The following IPO13 variants were observed in gnomAD, a reference collection of about 807,000 sequenced individuals.
IPO13 encodes the protein importin 13, also known as importin-13.
In IPO13, 28 loss-of-function variants were observed where a neutral mutation model predicts 115.5. The observed-to-expected ratio is 0.24, with a 90% CI of 0.18 to 0.33. IPO13 has a LOEUF of 0.33. Among genes scored for constraint, IPO13 ranks in the 10% least tolerant of loss-of-function variants. IPO13 has a pLI of 1.00. For synonymous variants in IPO13, 414 were observed against 478.9 expected, an observed-to-expected ratio of 0.86 and a Z score of 1.77; for missense variants, 785 against 1,204.6, an observed-to-expected ratio of 0.65 and a Z score of 5.16.
chr1:43,949,786 G>A lies in IPO13; in HGVS notation c.454G>A (p.Ala152Thr). 6.2e-7 allele frequency: 1 copy of A among 1,614,168 alleles called. No homozygotes were observed. The highest frequency in any genetic ancestry group is 1.1e-5 in the South Asian group (1 of 91,076). Residue 152 changes from alanine to threonine, a missense_variant, in exon 2 of 20, where the codon GCT (alanine) becomes ACT (threonine). This residue lies in a region of IPO13 where 325 missense variants were observed against 449.8 expected (regional missense o/e 0.72). Transcript: ENST00000372343. Reference sequence around the variant, plus strand: ...GGCAGATATGGTACGACTCTTCCAGGCTGAGGACTCACCAGTGGATGGGCA... The same window carrying A: ...GGCAGATATGGTACGACTCTTCCAGACTGAGGACTCACCAGTGGATGGGCA... Reference protein sequence around the residue: ...AVADMVRLFQAEDSPVDGQGR... With the variant: ...AVADMVRLFQTEDSPVDGQGR...
At position 43,961,354 on chromosome 1, in the gene IPO13, T is replaced by C. The variant is rs2154302345; in HGVS notation, c.2344+92T>C. ...GCCAAAGCTGCCCACTCTGTTCTTC[T>C]CTGTCCCCTGAGTCACACGTGGGAC... is the stretch of plus-strand genomic sequence containing the variant. On this transcript the variant is annotated intron_variant, in intron 14 of 19. Transcript: ENST00000372343. The C allele has an allele frequency of 8.9e-6, 9 of 1,011,584 alleles. No individual in the cohort carries two copies. The East Asian group carries it at 2.1e-4, about 24-fold the overall frequency. The allele number at this position is 1,011,584 out of a possible 1,614,324, so 62.7% of individuals were successfully genotyped here.
rs775284780 is a variant in IPO13 at position 43,956,893 on chromosome 1, G to A, written c.1188G>A (p.Val396=). The A allele has an allele frequency of 2.5e-6, 4 of 1,614,142 alleles. No individual in the cohort carries two copies. The highest frequency in any genetic ancestry group is 1.1e-5 in the South Asian group (1 of 91,094). Residue 396 remains valine (V), a synonymous_variant, in exon 5 of 20, where the codon GTG becomes GTA. Transcript: ENST00000372343. The surrounding 1 kb of genome is among the most constrained non-coding windows in gnomAD (Gnocchi z 4.7). ...YRPVYFQLVD[V]LLHKAQFPSD... ...CAGTCTACTTCCAGCTGGTGGATGT[G>A]CTTCTGCACAAGGCCCAGTTCCCTT...
intron 14 of IPO13, among the ~76,000 whole-genome samples, chr1:43,962,158 G>T (rs1192166373): frequency 6.6e-6 from 1 of 152,094 alleles, no homozygotes; most frequent in Non-Finnish European, 1.5e-5. Flanking sequence ...GTGGGCCATG[G>T]AGTAGGTCCA....
intron 12 of IPO13, 57 bp downstream of exon 12, chr1:43,960,386 G>T: frequency 6.8e-7 from 1 of 1,466,012 alleles, no homozygotes; most frequent in African/African-American, 1.4e-5. Flanking sequence ...GTGTAGCAGG[G>T]TAAGATGTTA....
chr1:43,967,653 C>T lies in IPO13; in HGVS notation c.2863C>T (p.His955Tyr). 1 of 1,614,236 alleles carries T rather than the reference C, an allele frequency of 6.2e-7. No homozygotes were observed. The change falls in exon 20 of 20, where the codon CAT becomes TAT. Residue 955 changes from histidine to tyrosine, a missense_variant. His to Tyr is a moderately conservative substitution (Grantham distance 83). Coordinates refer to ENST00000372343, the MANE Select transcript of IPO13 (RefSeq NM_014652.4). The surrounding 1 kb of genome is among the most constrained non-coding windows in gnomAD (Gnocchi z 6.1). Reference sequence around the variant, plus strand: ...GTTCACACTGCTGTGCCGGGGTCTCCATGGCACAGATTACACAGCTGACTA... The same window carrying T: ...GTTCACACTGCTGTGCCGGGGTCTCTATGGCACAGATTACACAGCTGACTA... The part of the protein sequence containing the change: ...KEFTLLCRGL[H>Y]GTDYTADY
At position 43,949,482 on chromosome 1, in the gene IPO13, G is replaced by A; in HGVS notation, c.150G>A (p.Met50Ile). 1 of 1,614,012 alleles carries A rather than the reference G, an allele frequency of 6.2e-7. No individual in the cohort carries two copies. Among genetic ancestry groups the A allele is most frequent in the Non-Finnish European group, 8.5e-7 (1 of 1,179,932 alleles). Residue 50 changes from methionine to isoleucine, a missense_variant, in exon 2 of 20, where the codon ATG becomes ATA. By Grantham distance (10) the Met-to-Ile change is conservative. Coordinates refer to ENST00000372343, the MANE Select transcript of IPO13 (RefSeq NM_014652.4). ...ENKNLAQKWLMQAQVSPQAWH... is the reference protein window; with the variant it reads ...ENKNLAQKWLIQAQVSPQAWH... Reference sequence around the variant, plus strand: ...AGAACCTGGCTCAGAAGTGGCTGATGCAGGCCCAGGTCTCCCCACAGGCCT... The same window carrying A: ...AGAACCTGGCTCAGAAGTGGCTGATACAGGCCCAGGTCTCCCCACAGGCCT...
At position 43,966,817 on chromosome 1, in the gene IPO13, C is replaced by T; in HGVS notation, c.2523+35C>T. 1 of 1,612,166 alleles carries T rather than the reference C, an allele frequency of 6.2e-7. No individual in the cohort carries two copies. Among genetic ancestry groups the T allele is most frequent in the Non-Finnish European group, 8.5e-7 (1 of 1,178,506 alleles). On this transcript the variant is annotated intron_variant, in intron 17 of 19. Transcript: ENST00000372343. This position sits in a 1 kb window ranked among gnomAD's most constrained non-coding sequence, Gnocchi z 4.1. ...ATGCTGAACCCTGACCCACTGCCAC[C>T]CCAGTGCCCTCCCCTGCCCAGGACT...
At chr1:43,955,431 G>T (rs1462887813) in intron 2 of IPO13, among the ~76,000 whole-genome samples, 1 of 152,162 alleles carries the variant, frequency 6.6e-6, no homozygotes, top group Non-Finnish European at 1.5e-5. Flanking sequence ...TCTCACAATT[G>T]TGAAGGATAG....
intron 11 of IPO13, among the ~76,000 whole-genome samples, chr1:43,959,886 G>A (rs1349815469): frequency 6.6e-6 from 1 of 152,204 alleles, no homozygotes; most frequent in Non-Finnish European, 1.5e-5. Flanking sequence ...ATTTGGAGGA[G>A]ATAGCATCTC....
rs781515000 is a variant in IPO13 at position 43,966,644 on chromosome 1, A to AAGTGGGGCGAGATGGAC, written c.2464+6_2464+22dup. The AAGTGGGGCGAGATGGAC allele has an allele frequency of 2.5e-6, 4 of 1,614,040 alleles. No individual in the cohort carries two copies. The highest frequency in any genetic ancestry group is 3.4e-6 in the Non-Finnish European group (4 of 1,179,994). On this transcript the variant is annotated splice_donor_region_variant and intron_variant, in intron 16 of 19. Coordinates refer to ENST00000372343, the MANE Select transcript of IPO13 (RefSeq NM_014652.4). The surrounding 1 kb of genome is among the most constrained non-coding windows in gnomAD (Gnocchi z 4.1). ...TGTCAAAGCTGTGTTCCAGTGTGGT[A>AAGTGGGGCGAGATGGAC]AGTGGGGCGAGATGGACAGGTGGGC...
chr1:43,953,659 C>T (rs916382462), intron 2 of IPO13, among the ~76,000 whole-genome samples: 3 of 152,248 alleles, frequency 2.0e-5, no homozygotes, highest in Non-Finnish European at 2.9e-5. Context: ...ACTCAAGTCA[C>T]CCTTTTCCTG....
chr1:43,949,330 C>T, intron 1 of IPO13, 87 bp from the exon 2 acceptor site: 1 of 1,413,512 alleles, frequency 7.1e-7, no homozygotes, highest in South Asian at 1.4e-5. Context: ...GAGGGAGCAG[C>T]CTTGCAGGAC....
chr1:43,950,202 A>G, intron 2 of IPO13, 49 bp downstream of exon 2: 3 of 1,550,000 alleles, frequency 1.9e-6, no homozygotes, highest in Non-Finnish European at 2.6e-6. Context: ...GGCCAGCCAC[A>G]CATCCATCCA....
chr1:43,966,633 T>A lies in IPO13; in HGVS notation c.2456T>A (p.Phe819Tyr), dbSNP rs750998756. 1 of 1,614,042 alleles carries A rather than the reference T, an allele frequency of 6.2e-7. No individual in the cohort carries two copies. Among genetic ancestry groups the A allele is most frequent in the Non-Finnish European group, 8.5e-7 (1 of 1,180,010 alleles). Residue 819 changes from phenylalanine (F) to tyrosine (Y), a missense_variant, in exon 16 of 20, where the codon TTC (phenylalanine) becomes TAC (tyrosine). Phe to Tyr is a conservative substitution (Grantham distance 22, BLOSUM62 3). Coordinates refer to ENST00000372343, the MANE Select transcript of IPO13 (RefSeq NM_014652.4). This position sits in a 1 kb window ranked among gnomAD's most constrained non-coding sequence, Gnocchi z 4.1. ...GAACGATTGGATGTCAAAGCTGTGT[T>A]CCAGTGTGGTAAGTGGGGCGAGATG... ...LCERLDVKAV[F>Y]QCAVLALKFP...
chr1:43,950,279 A>G, intron 2 of IPO13, 126 bp downstream of exon 2: 2 of 1,122,838 alleles, frequency 1.8e-6, no homozygotes, highest in Non-Finnish European at 2.5e-6. Context: ...AGATACAGCA[A>G]GGAACCAAAG....
At chr1:43,962,349 C>A (rs1239192086) in intron 14 of IPO13, among the ~76,000 whole-genome samples, 1 of 152,250 alleles carries the variant, frequency 6.6e-6, no homozygotes, top group Non-Finnish European at 1.5e-5. Context: ...CCTGGATTAT[C>A]AGCAACCTTC....
chr1:43,966,030 T>G lies in IPO13; in HGVS notation c.2398-545T>G. 1.1e-5 allele frequency: 2 copies of G among 181,610 alleles called. No homozygotes were observed. Among genetic ancestry groups the G allele is most frequent in the Non-Finnish European group, 2.4e-5 (2 of 84,404 alleles). 11.2% of individuals were successfully genotyped at this position (181,610 alleles called of 1,614,324 possible). On this transcript the variant is annotated intron_variant, in intron 15 of 19. Transcript: ENST00000372343. The surrounding 1 kb of genome is among the most constrained non-coding windows in gnomAD (Gnocchi z 4.1). ...GGGCCTGGACACAGGGTACCCTGGG[T>G]GAAAGATGGGGCTGAGGCTCCAAGG...
rs1178856004 is a variant in IPO13, at chr1:43,958,365, C to T, written c.1750-96C>T. On this transcript the variant is annotated intron_variant, in intron 9 of 19. Transcript: ENST00000372343. This position sits in a 1 kb window ranked among gnomAD's most constrained non-coding sequence, Gnocchi z 6.3. ...TTTGGCCTTCCCCTTCCTCTTATCC[C>T]TTATTCTCTGTTTTTCTTCTCCCAA... is the stretch of plus-strand genomic sequence containing the variant. 8 of 1,608,544 alleles carry T rather than the reference C, an allele frequency of 5.0e-6. No homozygotes were observed. Among genetic ancestry groups the T allele is most frequent in the African/African-American group, 2.7e-5 (2 of 74,686 alleles).
intron 2 of IPO13, chr1:43,953,527 C>T (rs541911001): frequency 2.0e-5 from 3 of 152,322 alleles, no homozygotes; most frequent in Admixed American, 1.3e-4. Context: ...CCCTTGCTCT[C>T]CCCAGTCTAA....
Sources: gnomAD v4.1 joint callset for allele counts (sites outside exome capture counted in the v4.1 genomes callset) on GRCh38, gnomAD v4.1.1 for gene constraint, gnomAD v4.1.1 regional missense constraint, Gnocchi (gnomAD v3.1) non-coding constraint, MANE v1.5 for transcripts, NCBI Gene and HGNC (gene_info 2026-07-23, HGNC 2026-07-21) for gene names.